RPS6KA5: variants seen among roughly 807,000 people sequenced by gnomAD.
RPS6KA5 encodes ribosomal protein S6 kinase alpha-5.
Under a neutral mutation model 85.5 loss-of-function variants are expected in RPS6KA5, and 27 were observed. That is an observed-to-expected ratio of 0.32 (90% CI 0.23 to 0.44). The LOEUF (loss-of-function observed/expected upper bound fraction) is 0.44, where lower values mean the gene tolerates loss of function less well. Among genes scored for constraint, RPS6KA5 ranks in the 20% least tolerant of loss-of-function variants. RPS6KA5 has a pLI of 1.00. For missense variants in RPS6KA5, 811 were observed against 980.9 expected (o/e 0.83, Z 2.31); for synonymous variants, 334 against 348.2 (o/e 0.96, Z 0.46).
In RPS6KA5 at chr14:90,867,164, A is replaced by T; in HGVS notation, c.*4910T>A. On this transcript the variant is annotated 3_prime_UTR_variant, in exon 17 of 17. Coordinates refer to ENST00000614987, the MANE Select transcript of RPS6KA5 (RefSeq NM_004755.4). The stretch of plus-strand genomic sequence containing the variant: ...GAAACAAGGATTTTCTAATCTATCT[A>T]TAAGCAGAAATGTCAGAAAATAAAG... The T allele has an allele frequency of 6.6e-6, 1 of 152,202 alleles. No homozygotes were observed. 9.4% of individuals were successfully genotyped at this position (152,202 alleles called of 1,614,324 possible).
chr14:90,933,384 T>C (rs569090113), intron 5 of RPS6KA5, among the ~76,000 whole-genome samples: 1 of 152,316 alleles, frequency 6.6e-6, no homozygotes, highest in African/African-American at 2.4e-5. Flanking sequence ...CCCATATTAG[T>C]TGATGGAAAT....
At chr14:90,889,294 C>CAAAA (rs11450327) in intron 14 of RPS6KA5, among the ~76,000 whole-genome samples, 75 of 71,184 alleles carry the variant, frequency 1.1e-3, no homozygotes, top group Middle Eastern at 0.01. Flanking sequence ...ACTTTGTCTC[C>CAAAA]AAAAAAAAAA....
At chr14:90,992,467 G>A (rs766293161) in intron 2 of RPS6KA5, among the ~76,000 whole-genome samples, 1 of 152,166 alleles carries the variant, frequency 6.6e-6, no homozygotes, top group Non-Finnish European at 1.5e-5. Flanking sequence ...ATGTATAATA[G>A]ATAATGAGTC....
Position 90,872,008 on chromosome 14 carries a change from A to C in RPS6KA5, c.*66T>G. ...CGGGAAACATTTTTAAAAGCATAAA[A>C]GATCGCCTCAGGCATATGCTGAGGG... On this transcript the variant is annotated 3_prime_UTR_variant, in exon 17 of 17. Transcript: ENST00000614987. The C allele has an allele frequency of 6.6e-7, 1 of 1,522,562 alleles. No homozygotes were observed. The highest frequency in any genetic ancestry group is 8.8e-7 in the Non-Finnish European group (1 of 1,135,722). The allele number at this position is 1,522,562 out of a possible 1,614,324, so 94.3% of individuals were successfully genotyped here. A position where few individuals can be genotyped will look rare whatever the true frequency, so the allele number is the denominator to read the frequency against.
intron 1 of RPS6KA5, among the ~76,000 whole-genome samples, chr14:91,050,912 G>A (rs1233131803): frequency 6.6e-6 from 1 of 152,116 alleles, no homozygotes; most frequent in African/African-American, 2.4e-5. Context: ...GAATCCTTTG[G>A]TAAAACAGGA....
At chr14:90,906,615 T>C (rs1152430) in intron 7 of RPS6KA5, among the ~76,000 whole-genome samples, 124,008 of 152,058 alleles carry the variant, frequency 0.82, 51,059 homozygotes, top group East Asian at 0.97. Flanking sequence ...ATTAGACCTC[T>C]CGTATATAGA....
intron 2 of RPS6KA5, among the ~76,000 whole-genome samples, chr14:90,995,267 G>A (rs1415509797): frequency 1.3e-5 from 2 of 152,132 alleles, no homozygotes; most frequent in East Asian, 1.9e-4. Flanking sequence ...TTACAAGCAC[G>A]AGCCACCGTG....
At chr14:91,000,050 GGCCTCCCAAAGT>G (rs905718693) in intron 2 of RPS6KA5, among the ~76,000 whole-genome samples, 7 of 152,042 alleles carry the variant, frequency 4.6e-5, no homozygotes, top group African/African-American at 7.2e-5. Flanking sequence ...CTCCCATCTT[GGCCTCCCAAAGT>G]GCCTCCCAAA....
At chr14:90,967,425 T>C (rs913742680) in intron 3 of RPS6KA5, among the ~76,000 whole-genome samples, 3 of 152,218 alleles carry the variant, frequency 2.0e-5, no homozygotes, top group Non-Finnish European at 4.4e-5. Context: ...CTCCTATTAT[T>C]ATTTACAGGC....
chr14:91,000,859 A>G (rs1464282489), intron 2 of RPS6KA5, among the ~76,000 whole-genome samples: 5 of 152,186 alleles, frequency 3.3e-5, no homozygotes, highest in African/African-American at 1.2e-4. Context: ...ACTAATTTAC[A>G]TTCCCAACAG....
intron 7 of RPS6KA5, among the ~76,000 whole-genome samples, chr14:90,908,412 A>G (rs2140252878): frequency 6.6e-6 from 1 of 152,320 alleles, no homozygotes; most frequent in East Asian, 1.9e-4. Context: ...TGAAAATCCT[A>G]TGGCCAGAAG....
intron 5 of RPS6KA5, among the ~76,000 whole-genome samples, chr14:90,941,080 C>T (rs948903018): frequency 1.3e-5 from 2 of 152,154 alleles, no homozygotes; most frequent in Admixed American, 6.5e-5. Context: ...TCTCTCTATG[C>T]AGGGGGAGTT....
In RPS6KA5 at chr14:90,854,808, T is replaced by C. The variant is rs2032190226; in HGVS notation, c.*17266A>G. ...TTTTAGGTGTGCTTTATTCAAAATA[T>C]ATTATTAAAAAATGTCAATACCTAG... On this transcript the variant is annotated 3_prime_UTR_variant, in exon 17 of 17. Coordinates refer to ENST00000614987, the MANE Select transcript of RPS6KA5 (RefSeq NM_004755.4). 6.6e-6 allele frequency: 1 copy of C among 152,198 alleles called. No homozygotes were observed. The highest frequency in any genetic ancestry group is 1.5e-5 in the Non-Finnish European group (1 of 68,016). 9.4% of individuals were successfully genotyped at this position (152,198 alleles called of 1,614,324 possible).
intron 3 of RPS6KA5, among the ~76,000 whole-genome samples, chr14:90,953,857 A>G (rs941918179): frequency 1.3e-5 from 2 of 152,184 alleles, no homozygotes; most frequent in African/African-American, 4.8e-5. Context: ...TTTGTTTAAG[A>G]TGTTTATCAA....
intron 3 of RPS6KA5, among the ~76,000 whole-genome samples, chr14:90,963,769 G>A (rs2038924064): frequency 6.6e-6 from 1 of 152,184 alleles, no homozygotes; most frequent in Non-Finnish European, 1.5e-5. Flanking sequence ...ACTTGCCTAG[G>A]ATCCTGCAGC....
At chr14:91,026,995 T>C (rs2042013012) in intron 1 of RPS6KA5, among the ~76,000 whole-genome samples, 1 of 152,260 alleles carries the variant, frequency 6.6e-6, no homozygotes, top group Admixed American at 6.5e-5. Flanking sequence ...TGTTGAATTG[T>C]TTAAGTCCTT....
chr14:90,973,409 G>A (rs1220848807), intron 3 of RPS6KA5, among the ~76,000 whole-genome samples: 15 of 151,494 alleles, frequency 9.9e-5, no homozygotes, highest in Admixed American at 3.3e-4. Context: ...ACATCACTGC[G>A]CTCCAGCCTG....
At chr14:90,982,792 A>T (rs1474728855) in intron 2 of RPS6KA5, among the ~76,000 whole-genome samples, 1 of 151,956 alleles carries the variant, frequency 6.6e-6, no homozygotes, top group African/African-American at 2.4e-5. Context: ...CAGCCTCACC[A>T]ACATGGTGAA....
chr14:90,941,538 G>A (rs547545189), intron 5 of RPS6KA5, among the ~76,000 whole-genome samples: 1 of 152,298 alleles, frequency 6.6e-6, no homozygotes, highest in South Asian at 2.1e-4. Context: ...TGAATGCACA[G>A]ACCTTGTCAG....
Sources: allele counts gnomAD v4.1 joint callset (sites outside exome capture counted in the v4.1 genomes callset), GRCh38; gene constraint gnomAD v4.1.1; transcripts MANE v1.5; gene names NCBI Gene and HGNC (gene_info 2026-07-23, HGNC 2026-07-21).